The following TSNARE1 variants were observed in gnomAD, a reference collection of about 807,000 sequenced individuals.
TSNARE1 encodes t-SNARE domain-containing protein 1.
TSNARE1 carries 49 observed loss-of-function variants against 62.0 expected under a neutral mutation model. That is an observed-to-expected ratio of 0.79 (90% CI 0.63 to 1.00). The LOEUF (loss-of-function observed/expected upper bound fraction) is 1.00, where lower values mean the gene tolerates loss of function less well. TSNARE1 is among the 50% of genes least tolerant of loss of function. The probability of loss-of-function intolerance (pLI) is 0.00; values close to 1 mark genes in which losing one functional copy is unlikely to be tolerated. For missense variants in TSNARE1, 755 were observed against 700.1 expected, an observed-to-expected ratio of 1.08 and a Z score of -0.88; for synonymous variants, 328 against 294.4, an observed-to-expected ratio of 1.11 and a Z score of -1.17.
chr8:142,238,716 C>T (rs897885901), intron 12 of TSNARE1, among the ~76,000 whole-genome samples: 1 of 151,170 alleles, frequency 6.6e-6, no homozygotes, highest in Non-Finnish European at 1.5e-5. Flanking sequence ...TGCACACCTG[C>T]CCCTGCACAC....
intron 8 of TSNARE1, 112 bp from the exon 9 acceptor site, chr8:142,314,552 C>T (rs900046741): frequency 1.8e-5 from 16 of 867,618 alleles, no homozygotes; most frequent in Non-Finnish European, 2.9e-5. Flanking sequence ...GCAAAACACG[C>T]CTGCCACTCC....
intron 12 of TSNARE1, among the ~76,000 whole-genome samples, chr8:142,249,108 C>T (rs751928596): frequency 2.7e-4 from 41 of 152,270 alleles, no homozygotes; most frequent in Non-Finnish European, 5.6e-4. Flanking sequence ...ACACAGCAGG[C>T]GCCCAATGCC....
intron 1 of TSNARE1, among the ~76,000 whole-genome samples, chr8:142,380,045 T>G (rs530140960): frequency 2.0e-5 from 3 of 152,124 alleles, no homozygotes; most frequent in Admixed American, 6.5e-5. Context: ...CACTGCCAAA[T>G]CTGCGCTGGG....
chr8:142,384,410 T>C (rs1429230468), intron 1 of TSNARE1, among the ~76,000 whole-genome samples: 1 of 152,206 alleles, frequency 6.6e-6, no homozygotes, highest in Non-Finnish European at 1.5e-5. Flanking sequence ...GAGGCCACAT[T>C]CTTCCTGATT....
chr8:142,221,025 C>T (rs4607747), intron 13 of TSNARE1, among the ~76,000 whole-genome samples: 13,718 of 152,246 alleles, frequency 0.09, 2,082 homozygotes, highest in African/African-American at 0.31. Context: ...GGTGTGTGAA[C>T]GCTGCACTCC....
chr8:142,292,119 A>C (rs1823879522), intron 10 of TSNARE1, among the ~76,000 whole-genome samples: 1 of 152,092 alleles, frequency 6.6e-6, no homozygotes, highest in South Asian at 2.1e-4. Context: ...GGGAGAGGCC[A>C]AGCGTGGAGC....
intron 10 of TSNARE1, among the ~76,000 whole-genome samples, chr8:142,290,796 C>T (rs2131059230): frequency 6.6e-6 from 1 of 152,340 alleles, no homozygotes; most frequent in East Asian, 1.9e-4. Context: ...ATCTCCGCAT[C>T]CCATCCTCCG....
At chr8:142,372,035 C>A (rs982123781) in intron 1 of TSNARE1, among the ~76,000 whole-genome samples, 2 of 152,146 alleles carry the variant, frequency 1.3e-5, no homozygotes, top group African/African-American at 4.8e-5. Context: ...AATGGAAGAA[C>A]AGGGTTGCCA....
chr8:142,219,971 G>A (rs1355590953), intron 13 of TSNARE1, among the ~76,000 whole-genome samples: 2 of 152,224 alleles, frequency 1.3e-5, no homozygotes, highest in Admixed American at 1.3e-4. Flanking sequence ...GGAAAGGTGG[G>A]GTCAGGGGTC....
At chr8:142,255,458 CCAT>C (rs1563780520) in intron 12 of TSNARE1, among the ~76,000 whole-genome samples, 12 of 70,982 alleles carry the variant, frequency 1.7e-4, no homozygotes, top group Non-Finnish European at 2.1e-4. Flanking sequence ...ACCACCATCA[CCAT>C]CACCATCACC....
intron 12 of TSNARE1, among the ~76,000 whole-genome samples, chr8:142,255,067 A>G (rs1342975158): frequency 6.6e-6 from 1 of 152,058 alleles, no homozygotes; most frequent in African/African-American, 2.4e-5. Flanking sequence ...ATAACAGAGA[A>G]CAGCAGGGGG....
intron 1 of TSNARE1, among the ~76,000 whole-genome samples, chr8:142,381,741 G>C (rs907043835): frequency 6.6e-6 from 1 of 152,176 alleles, no homozygotes; most frequent in Non-Finnish European, 1.5e-5. Flanking sequence ...CTGTAAGCAA[G>C]TCCCCAACCC....
chr8:142,283,958 G>A (rs1485646211), intron 11 of TSNARE1, among the ~76,000 whole-genome samples: 1 of 143,354 alleles, frequency 7.0e-6, no homozygotes, highest in Non-Finnish European at 1.6e-5. Flanking sequence ...AGCAGGGTGG[G>A]GGCCAGTGTC....
In TSNARE1 at chr8:142,221,720, CTCATT is replaced by C. The variant is rs1417807381; in HGVS notation, c.*11+7748_*11+7752del. Among the ~76,000 whole-genome samples, 9 of 37,736 alleles carry C rather than the reference CTCATT, an allele frequency of 2.4e-4. 1 individual carries two copies. The highest frequency in any genetic ancestry group is 6.6e-5 in the Non-Finnish European group (1 of 15,266). The allele number at this position is 37,736 out of a possible 152,430, so 24.8% of individuals were successfully genotyped here. On this transcript the variant is annotated intron_variant, in intron 13 of 13. Transcript: ENST00000524325. ...ATCCACTCACTCATCCACTCACTCACTCATTCACTCACTCATTCACTCACTCACTC... is the reference window on the plus strand; with the variant it reads ...ATCCACTCACTCATCCACTCACTCACCACTCACTCATTCACTCACTCACTC...
At chr8:142,367,396 G>A (rs1429705455) in intron 1 of TSNARE1, among the ~76,000 whole-genome samples, 3 of 152,050 alleles carry the variant, frequency 2.0e-5, no homozygotes, top group Admixed American at 6.6e-5. Flanking sequence ...GACGGATCCT[G>A]AAAGCACCGT....
intron 12 of TSNARE1, among the ~76,000 whole-genome samples, chr8:142,255,773 C>T (rs1341255404): frequency 1.2e-4 from 10 of 84,496 alleles, no homozygotes; most frequent in Non-Finnish European, 2.3e-4. Context: ...ACCATCACCA[C>T]CACCATCACC....
intron 9 of TSNARE1, among the ~76,000 whole-genome samples, chr8:142,302,199 C>T (rs900348162): frequency 2.0e-5 from 3 of 151,966 alleles, no homozygotes; most frequent in African/African-American, 4.8e-5. Context: ...AGACCCATGG[C>T]GCCCTCAGCC....
intron 12 of TSNARE1, among the ~76,000 whole-genome samples, chr8:142,252,043 CACGTTCTCTATCT>C (rs1818201474): frequency 7.2e-6 from 1 of 139,400 alleles, no homozygotes; most frequent in East Asian, 2.2e-4. Context: ...ACCCGCCGCC[CACGTTCTCTATCT>C]GCAGGGCCCG....
chr8:142,331,683 G>T, intron 5 of TSNARE1, 71 bp downstream of exon 5: 1 of 1,445,056 alleles, frequency 6.9e-7, no homozygotes, highest in Non-Finnish European at 9.5e-7. Flanking sequence ...CAGCACCCTC[G>T]CCTCCAATGT....
Sources: gnomAD v4.1 joint callset for allele counts (sites outside exome capture counted in the v4.1 genomes callset) on GRCh38, gnomAD v4.1.1 for gene constraint, MANE v1.5 for transcripts, NCBI Gene and HGNC (gene_info 2026-07-23, HGNC 2026-07-21) for gene names.